Variants in ERI1 observed in about 807,000 individuals in gnomAD.
The protein encoded by ERI1 is 3'-5' exoribonuclease 1.
In ERI1, 39 loss-of-function variants were observed where a neutral mutation model predicts 39.7. The observed-to-expected ratio is 0.98, with a 90% confidence interval of 0.76 to 1.28. The LOEUF (loss-of-function observed/expected upper bound fraction) is 1.28. Among genes scored for constraint, ERI1 ranks in the 50% most tolerant of loss-of-function variants. The pLI is 0.00. For synonymous variants in ERI1, 204 were observed against 149.6 expected, an observed-to-expected ratio of 1.36 and a Z score of -2.65; for missense variants, 581 against 416.9, an observed-to-expected ratio of 1.39 and a Z score of -3.43.
intron 3 of ERI1, among the ~76,000 whole-genome samples, chr8:9,088,267 TAA>T (rs768858551): frequency 7.0e-6 from 1 of 142,090 alleles, no homozygotes; most frequent in Non-Finnish European, 1.5e-5. Flanking sequence ...CTCTGTAAAT[TAA>T]AAAAAAAAAA....
Position 9,030,341 on chromosome 8 carries a change from T to C in ERI1, c.*307T>C, listed in dbSNP as rs1797500216. 3.4e-6 allele frequency: 1 copy of C among 292,358 alleles called. No homozygotes were observed. The highest frequency in any genetic ancestry group is 6.6e-6 in the Non-Finnish European group (1 of 151,582). The allele number at this position is 292,358 out of a possible 1,614,324, so 18.1% of individuals were successfully genotyped here. ...TTTGGTTTTAAAATGCAAAATCTTA[T>C]TGGCTGTTCTGTTGAATGTCATATC... is the stretch of plus-strand genomic sequence containing the variant. On this transcript the variant is annotated 3_prime_UTR_variant, in exon 7 of 7. Transcript: ENST00000250263.
At chr8:9,059,950 T>C (rs1244609480) in intron 3 of ERI1, among the ~76,000 whole-genome samples, 1 of 152,064 alleles carries the variant, frequency 6.6e-6, no homozygotes, top group Non-Finnish European at 1.5e-5. Context: ...AAAAGGAGCG[T>C]CCATACAGGA....
intron 3 of ERI1, among the ~76,000 whole-genome samples, chr8:9,092,886 C>G (rs538050009): frequency 2.6e-5 from 4 of 152,166 alleles, no homozygotes; most frequent in Non-Finnish European, 5.9e-5. Flanking sequence ...GGGTTGGTTC[C>G]TTCTGAGGGC....
At chr8:9,027,633 C>A (rs919056864) in intron 6 of ERI1, among the ~76,000 whole-genome samples, 1 of 152,078 alleles carries the variant, frequency 6.6e-6, no homozygotes, top group Non-Finnish European at 1.5e-5. Context: ...GGTCTTTGAT[C>A]AATTTTAAGT....
chr8:9,074,516 A>G (rs1279184413), intron 3 of ERI1, among the ~76,000 whole-genome samples: 2 of 152,182 alleles, frequency 1.3e-5, no homozygotes, highest in African/African-American at 4.8e-5. Flanking sequence ...AACATGGCTC[A>G]CTGCAGCCTT....
intron 3 of ERI1, among the ~76,000 whole-genome samples, chr8:9,055,175 C>G (rs1274053130): frequency 6.6e-6 from 1 of 152,132 alleles, no homozygotes; most frequent in African/African-American, 2.4e-5. Context: ...GGAAGTGAGG[C>G]ACAGAAACAG....
In ERI1 at chr8:9,067,382, ATGTGTGTG is replaced by A. The variant is rs10551937; in HGVS notation, n.299+46949_299+46956del. ...GGGATTTCATTTTTAACCTGTGTGC[ATGTGTGTG>A]TGTGTGTGTGTGTGTGTGTGTGTGT... On this transcript the variant is annotated intron_variant and non_coding_transcript_variant, in intron 3 of 3. Transcript: ENST00000518663. Among the ~76,000 whole-genome samples the A allele has an allele frequency of 2.4e-3, 352 of 143,966 alleles. 1 individual carries two copies. The highest frequency in any genetic ancestry group is 0.012 in the East Asian group (56 of 4,844). The allele number at this position is 143,966 out of a possible 152,430, so 94.4% of individuals were successfully genotyped here. A position where few individuals can be genotyped will look rare whatever the true frequency, so the allele number is the denominator to read the frequency against.
chr8:9,042,931 C>T (rs1347104325), intron 3 of ERI1, among the ~76,000 whole-genome samples: 1 of 152,218 alleles, frequency 6.6e-6, no homozygotes, highest in Non-Finnish European at 1.5e-5. Flanking sequence ...CTCCCACGCG[C>T]AGTGCCGTAT....
intron 1 of ERI1, among the ~76,000 whole-genome samples, chr8:9,007,513 G>A (rs1324158366): frequency 6.6e-6 from 1 of 152,106 alleles, no homozygotes; most frequent in Non-Finnish European, 1.5e-5. Flanking sequence ...AGCTACTGTG[G>A]GTGTAGGGGT....
chr8:9,067,423 A>G (rs1355708129), intron 3 of ERI1, among the ~76,000 whole-genome samples: 1 of 133,396 alleles, frequency 7.5e-6, no homozygotes, highest in African/African-American at 2.6e-5. Flanking sequence ...TGTGTGTGCA[A>G]TATCAATAGT....
chr8:9,086,683 GT>G (rs1187342063), intron 3 of ERI1, among the ~76,000 whole-genome samples: 1 of 152,172 alleles, frequency 6.6e-6, no homozygotes, highest in South Asian at 2.1e-4. Flanking sequence ...GTTTATAACA[GT>G]AAAAAATGAA....
intron 6 of ERI1, among the ~76,000 whole-genome samples, chr8:9,026,800 A>G (rs1466942637): frequency 6.6e-6 from 1 of 152,178 alleles, no homozygotes; most frequent in East Asian, 1.9e-4. Context: ...AAAATTTCAA[A>G]TCCAAAGCAC....
chr8:9,035,286 G>A (rs571941068), downstream of ERI1, among the ~76,000 whole-genome samples: 2 of 152,300 alleles, frequency 1.3e-5, no homozygotes, highest in East Asian at 3.9e-4. Flanking sequence ...TAGCCTATTC[G>A]AAGAAGATAA....
At chr8:9,057,201 G>T (rs969514208) in intron 3 of ERI1, among the ~76,000 whole-genome samples, 2 of 152,102 alleles carry the variant, frequency 1.3e-5, no homozygotes, top group Non-Finnish European at 2.9e-5. Context: ...CTGGAGTATG[G>T]TGGTGCAATC....
intron 3 of ERI1, among the ~76,000 whole-genome samples, chr8:9,061,955 G>A (rs934006095): frequency 2.0e-5 from 3 of 152,066 alleles, no homozygotes; most frequent in Non-Finnish European, 2.9e-5. Context: ...GGATTGTGGA[G>A]GGAGGCATTG....
chr8:9,071,308 T>G (rs993352482), intron 3 of ERI1, among the ~76,000 whole-genome samples: 1 of 152,034 alleles, frequency 6.6e-6, no homozygotes, highest in Non-Finnish European at 1.5e-5. Flanking sequence ...TGATAAATAC[T>G]TTTCCTTTTC....
rs563606872 is a variant in ERI1, at chr8:9,032,903, T to C, written c.*2869T>C. 1.3e-5 allele frequency: 2 copies of C among 152,196 alleles called. No individual in the cohort carries two copies. The highest frequency in any genetic ancestry group is 4.8e-5 in the African/African-American group (2 of 41,450). The allele number at this position is 152,196 out of a possible 1,614,324, so 9.4% of individuals were successfully genotyped here. ...AGTCTGAGAAGGATGTATTGTACTT[T>C]GAAGGAAGACTTTCCATTTCTAAGC... On this transcript the variant is annotated 3_prime_UTR_variant, in exon 7 of 7. Coordinates refer to ENST00000250263, the MANE Select transcript of ERI1 (RefSeq NM_153332.4).
intron 3 of ERI1, among the ~76,000 whole-genome samples, chr8:9,042,488 G>T (rs778351063): frequency 1.1e-4 from 17 of 152,248 alleles, no homozygotes; most frequent in Non-Finnish European, 2.1e-4. Flanking sequence ...GCCTACTCTT[G>T]TGTCACTCAA....
rs1797491413 is a variant in ERI1, at chr8:9,030,224, C to G, written c.*190C>G. ...GAAGGCATACTGAATTCTTTGTCAC[C>G]AGCACTTTTGATATGAACAGTATTC... On this transcript the variant is annotated 3_prime_UTR_variant, in exon 7 of 7. Transcript: ENST00000250263. 12 of 701,724 alleles carry G rather than the reference C, an allele frequency of 1.7e-5. No homozygotes were observed. In the South Asian group the frequency reaches 2.2e-4, roughly 13 times the overall value. 43.5% of individuals were successfully genotyped at this position (701,724 alleles called of 1,614,324 possible).
Sources: allele counts gnomAD v4.1 joint callset (sites outside exome capture counted in the v4.1 genomes callset), GRCh38; gene constraint gnomAD v4.1.1; transcripts MANE v1.5; gene names NCBI Gene and HGNC (gene_info 2026-07-23, HGNC 2026-07-21).